The following HEPACAM2 variants were observed in gnomAD, a reference collection of about 807,000 sequenced individuals.
The protein encoded by HEPACAM2 is mitotic kinetics regulator.
In HEPACAM2, 49 loss-of-function variants were observed where a neutral mutation model predicts 49.6. That is an observed-to-expected ratio of 0.99 (90% CI 0.78 to 1.25). The LOEUF is 1.25. Among genes scored for constraint, HEPACAM2 ranks in the 50% most tolerant of loss-of-function variants. The pLI, the probability that HEPACAM2 is intolerant of heterozygous loss-of-function variation, is 0.00. For missense variants in HEPACAM2, 525 were observed against 557.2 expected, an observed-to-expected ratio of 0.94 and a Z score of 0.58; for synonymous variants, 197 against 202.9, an observed-to-expected ratio of 0.97 and a Z score of 0.25.
chr7:93,215,995 C>T (rs1270923681), intron 2 of HEPACAM2, among the ~76,000 whole-genome samples: 1 of 152,110 alleles, frequency 6.6e-6, no homozygotes, highest in Admixed American at 6.6e-5. Flanking sequence ...ATTTCCTGTT[C>T]ATTGTGCTTT....
In HEPACAM2 at chr7:93,197,553, C is replaced by G. The variant is rs746063573; in HGVS notation, c.1070G>C (p.Gly357Ala). The G allele has an allele frequency of 6.3e-7, 1 of 1,595,910 alleles. No homozygotes were observed. The highest frequency in any genetic ancestry group is 1.7e-5 in the Admixed American group (1 of 58,990). ...GGATATAATCAAAAATAGTGATATT[C>G]CAGTTATACTTGCTAAAGGTGACAA... Reference protein sequence around the residue: ...KSLSPLASITGISLFLIISMC... With the variant: ...KSLSPLASITAISLFLIISMC... The change falls in exon 5 of 10, where the codon GGA becomes GCA. Residue 357 changes from glycine (G) to alanine (A), a missense_variant. Physicochemically the swap from Gly to Ala is moderately conservative, Grantham distance 60. Coordinates refer to ENST00000394468, the MANE Select transcript of HEPACAM2 (RefSeq NM_001039372.4).
chr7:93,208,001 C>A (rs374974215), intron 4 of HEPACAM2, among the ~76,000 whole-genome samples: 1 of 151,912 alleles, frequency 6.6e-6, no homozygotes, highest in Non-Finnish European at 1.5e-5. Flanking sequence ...TTAATCTTTG[C>A]GGGTTGATGA....
intron 4 of HEPACAM2, among the ~76,000 whole-genome samples, chr7:93,198,062 C>T (rs1055986307): frequency 1.3e-5 from 2 of 151,868 alleles, no homozygotes; most frequent in African/African-American, 2.4e-5. Flanking sequence ...GTGTTCATTT[C>T]AAACACACTT....
intron 1 of HEPACAM2, 50 bp downstream of exon 1, chr7:93,226,315 TAAA>T: frequency 4.4e-6 from 5 of 1,124,638 alleles, no homozygotes; most frequent in Non-Finnish European, 5.1e-6. Context: ...TGTCCACAAT[TAAA>T]AAAAAAAAAC....
intron 3 of HEPACAM2, among the ~76,000 whole-genome samples, chr7:93,210,813 A>G (rs529610654): frequency 7.2e-5 from 11 of 152,056 alleles, no homozygotes; most frequent in South Asian, 2.1e-4. Context: ...AATTTTTTCA[A>G]TCACTAGCTA....
At chr7:93,203,105 C>A (rs1402590041) in intron 4 of HEPACAM2, among the ~76,000 whole-genome samples, 1 of 152,110 alleles carries the variant, frequency 6.6e-6, no homozygotes, top group East Asian at 1.9e-4. Flanking sequence ...GTGACCAGTG[C>A]CTGTCAGCCC....
At position 93,195,816 on chromosome 7, in the gene HEPACAM2, A is replaced by G. The variant is rs184018791; in HGVS notation, c.1275+12T>C. The G allele has an allele frequency of 5.4e-4, 861 of 1,607,920 alleles. 1 individual carries two copies. The African/African-American group carries it at 0.011, about 20-fold the overall frequency. On this transcript the variant is annotated intron_variant, in intron 8 of 9. Coordinates refer to ENST00000394468, the MANE Select transcript of HEPACAM2 (RefSeq NM_001039372.4). ...TCTACTTCTCGGTTAATCAGCCACTAGGAAAACCAACCCTGGAAACACCAG... is the reference window on the plus strand; with the variant it reads ...TCTACTTCTCGGTTAATCAGCCACTGGGAAAACCAACCCTGGAAACACCAG...
chr7:93,197,236 A>T lies in HEPACAM2; in HGVS notation c.1201+5T>A. On this transcript the variant is annotated splice_donor_5th_base_variant and intron_variant, in intron 7 of 9. Coordinates refer to ENST00000394468, the MANE Select transcript of HEPACAM2 (RefSeq NM_001039372.4). ...GATAATAGCCCTTTTCAGCTTGGCCATTACCTGAAAATGTTTGAGCTTTCC... is the reference window on the plus strand; with the variant it reads ...GATAATAGCCCTTTTCAGCTTGGCCTTTACCTGAAAATGTTTGAGCTTTCC... 1 of 1,608,958 alleles carries T rather than the reference A, an allele frequency of 6.2e-7. No homozygotes were observed.
At chr7:93,220,509 T>C (rs1794427111) in intron 1 of HEPACAM2, among the ~76,000 whole-genome samples, 1 of 152,180 alleles carries the variant, frequency 6.6e-6, no homozygotes, top group Admixed American at 6.5e-5. Flanking sequence ...TGGGGAAGAC[T>C]GTGGGGAGAA....
intron 4 of HEPACAM2, among the ~76,000 whole-genome samples, chr7:93,202,033 A>AAAAAAAAAAAAAAAAAAAAAAAAAAAAAC (rs1562824501): frequency 6.8e-5 from 1 of 14,626 alleles, no homozygotes; most frequent in African/African-American, 3.1e-4. Context: ...AAAAAAAACC[A>AAAAAAAAAAAAAAAAAAAAAAAAAAAAAC]AAAAAAAAAA....
At chr7:93,193,262 A>ATT (rs1228526108) in intron 8 of HEPACAM2, among the ~76,000 whole-genome samples, 2 of 152,084 alleles carry the variant, frequency 1.3e-5, no homozygotes, top group Non-Finnish European at 2.9e-5. Flanking sequence ...GAAACCACTA[A>ATT]TTTCCATTCC....
chr7:93,221,324 T>G lies in HEPACAM2; in HGVS notation c.80-1873A>C, dbSNP rs73415333. ...TTTGATCGCTTCCACTTTTTCATTT[T>G]TTTCTACATTTTTTTGATTTCATTC... is the stretch of plus-strand genomic sequence containing the variant. On this transcript the variant is annotated intron_variant, in intron 1 of 9. Transcript: ENST00000394468. Among the ~76,000 whole-genome samples, 592 of 152,316 alleles carry G rather than the reference T, an allele frequency of 3.9e-3. 7 individuals carry two copies. The highest frequency in any genetic ancestry group is 0.013 in the African/African-American group (559 of 41,568).
At chr7:93,211,806 T>G (rs754241497) in intron 3 of HEPACAM2, among the ~76,000 whole-genome samples, 3 of 151,934 alleles carry the variant, frequency 2.0e-5, no homozygotes, top group Non-Finnish European at 4.4e-5. Context: ...AAATCTAAAG[T>G]CTGAGGGTCT....
intron 8 of HEPACAM2, among the ~76,000 whole-genome samples, chr7:93,194,467 T>G (rs1470335110): frequency 6.6e-6 from 1 of 152,080 alleles, no homozygotes; most frequent in African/African-American, 2.4e-5. Context: ...CTTTTGGTTG[T>G]GGAAGTGAAG....
At chr7:93,197,765 A>T (rs555321717) in intron 4 of HEPACAM2, among the ~76,000 whole-genome samples, 155 bp from the exon 5 acceptor site, 1 of 152,228 alleles carries the variant, frequency 6.6e-6, no homozygotes, top group South Asian at 2.1e-4. Flanking sequence ...AAATGGAAGG[A>T]ATGCACTTAT....
At position 93,197,473 on chromosome 7, in the gene HEPACAM2, A is replaced by AT. The variant is rs987545303; in HGVS notation, c.1138+11dup. 3 of 1,579,534 alleles carry AT rather than the reference A, an allele frequency of 1.9e-6. No individual in the cohort carries two copies. Among genetic ancestry groups the AT allele is most frequent in the Non-Finnish European group, 2.6e-6 (3 of 1,165,370 alleles). On this transcript the variant is annotated intron_variant, in intron 5 of 9. Coordinates refer to ENST00000394468, the MANE Select transcript of HEPACAM2 (RefSeq NM_001039372.4). ...ATACAGCTTCAATTTTTTTTTTGTA[A>AT]TTTTAACCTACCTTTGTAGGGTTGA...
At chr7:93,195,348 T>A (rs532551721) in intron 8 of HEPACAM2, among the ~76,000 whole-genome samples, 1 of 152,194 alleles carries the variant, frequency 6.6e-6, no homozygotes, top group Admixed American at 6.5e-5. Flanking sequence ...TGCCTCGGTC[T>A]CCCAAGAAGC....
intron 1 of HEPACAM2, among the ~76,000 whole-genome samples, chr7:93,224,091 A>G (rs889389225): frequency 1.3e-5 from 2 of 152,114 alleles, no homozygotes; most frequent in Non-Finnish European, 2.9e-5. Context: ...TTGATTTTAG[A>G]AAATCATCCT....
In HEPACAM2 at chr7:93,225,924, C is replaced by T. The variant is rs112331885; in HGVS notation, c.79+444G>A. The T allele has an allele frequency of 2.5e-3, 3,582 of 1,430,880 alleles. 73 individuals carry two copies. The African/African-American group carries it at 0.043, about 17-fold the overall frequency. The allele number at this position is 1,430,880 out of a possible 1,614,324, so 88.6% of individuals were successfully genotyped here. On this transcript the variant is annotated intron_variant, in intron 1 of 9. Transcript: ENST00000394468. ...ATAAGATGAGACAGATAACTTAAAACGAAGCAGTAAACAGTTTGCAACAAT... is the reference window on the plus strand; with the variant it reads ...ATAAGATGAGACAGATAACTTAAAATGAAGCAGTAAACAGTTTGCAACAAT...
Sources: gnomAD v4.1 joint callset for allele counts (sites outside exome capture counted in the v4.1 genomes callset) on GRCh38, gnomAD v4.1.1 for gene constraint, MANE v1.5 for transcripts, NCBI Gene and HGNC (gene_info 2026-07-23, HGNC 2026-07-21) for gene names.